CACNA2D3: variants seen among roughly 807,000 people sequenced by gnomAD.
The protein encoded by CACNA2D3 is calcium voltage-gated channel auxiliary subunit alpha2delta 3, also known as voltage-dependent calcium channel subunit alpha-2/delta-3.
In CACNA2D3, 60 loss-of-function variants were observed where a neutral mutation model predicts 160.6. The observed-to-expected ratio is 0.37, with a 90% CI of 0.30 to 0.46. CACNA2D3 has a LOEUF of 0.46. Ranked by LOEUF, CACNA2D3 falls within the 20% of genes least tolerant of loss-of-function variation. The probability of loss-of-function intolerance (pLI) is 1.00; values close to 1 mark genes in which losing one functional copy is unlikely to be tolerated. For synonymous variants in CACNA2D3, 558 were observed against 492.9 expected (o/e 1.13, Z -1.75); for missense variants, 1,205 against 1,365.0 (o/e 0.88, Z 1.85).
intron 3 of CACNA2D3, among the ~76,000 whole-genome samples, chr3:54,367,955 G>A (rs1678829993): frequency 6.6e-6 from 1 of 152,132 alleles, no homozygotes; most frequent in Admixed American, 6.5e-5. Flanking sequence ...TATAATATTA[G>A]TTATCAGCAA....
intron 3 of CACNA2D3, among the ~76,000 whole-genome samples, chr3:54,343,847 A>C (rs1698408344): frequency 6.6e-6 from 1 of 152,192 alleles, no homozygotes; most frequent in African/African-American, 2.4e-5. Context: ...GTAAATATTG[A>C]AATATCTCTT....
chr3:54,460,347 TC>T (rs1404977798), intron 4 of CACNA2D3, among the ~76,000 whole-genome samples: 20 of 152,230 alleles, frequency 1.3e-4, no homozygotes, highest in African/African-American at 4.8e-4. Context: ...TGGCATTGAA[TC>T]TATAAGTTAC....
At chr3:54,638,540 G>T (rs565762884) in intron 10 of CACNA2D3, 3 of 151,978 alleles carry the variant, frequency 2.0e-5, no homozygotes, top group African/African-American at 7.3e-5. Context: ...GAGCAGCCTG[G>T]GGAGGAAGGG....
chr3:54,207,672 G>C (rs1701297922), intron 2 of CACNA2D3, among the ~76,000 whole-genome samples: 1 of 152,110 alleles, frequency 6.6e-6, no homozygotes, highest in African/African-American at 2.4e-5. Flanking sequence ...TCACGGACTG[G>C]GCTCTGTGCA....
intron 2 of CACNA2D3, among the ~76,000 whole-genome samples, chr3:54,287,156 C>G (rs1703052757): frequency 6.6e-6 from 1 of 152,050 alleles, no homozygotes; most frequent in South Asian, 2.1e-4. Flanking sequence ...AGTCAAGACC[C>G]ATCAGTGTGC....
At chr3:54,203,489 C>T (rs115192042) in intron 2 of CACNA2D3, among the ~76,000 whole-genome samples, 14 of 152,312 alleles carry the variant, frequency 9.2e-5, no homozygotes, top group Non-Finnish European at 1.8e-4. Flanking sequence ...GTTGCAAGGA[C>T]AAAGGGCTTT....
At chr3:54,160,234 C>T (rs1700319009) in intron 2 of CACNA2D3, among the ~76,000 whole-genome samples, 1 of 152,232 alleles carries the variant, frequency 6.6e-6, no homozygotes, top group South Asian at 2.1e-4. Flanking sequence ...TGCAGTGGCT[C>T]ATGCCTGTAA....
At chr3:54,863,158 C>G (rs1432295096) in intron 17 of CACNA2D3, among the ~76,000 whole-genome samples, 3 of 152,190 alleles carry the variant, frequency 2.0e-5, no homozygotes, top group Non-Finnish European at 2.9e-5. Context: ...TATCCACGTT[C>G]GAGAACTCAG....
intron 11 of CACNA2D3, among the ~76,000 whole-genome samples, chr3:54,676,838 A>G (rs1363931985): frequency 6.6e-6 from 1 of 152,174 alleles, no homozygotes; most frequent in Non-Finnish European, 1.5e-5. Flanking sequence ...CAGGGCTAAG[A>G]ATTTTGAGGC....
chr3:54,664,483 T>G (rs1456764168), intron 11 of CACNA2D3, among the ~76,000 whole-genome samples: 3 of 152,160 alleles, frequency 2.0e-5, no homozygotes, highest in African/African-American at 4.8e-5. Context: ...CACCGCCACC[T>G]CCCCCTTTCA....
At chr3:54,330,038 A>G (rs1266777211) in intron 3 of CACNA2D3, among the ~76,000 whole-genome samples, 1 of 152,214 alleles carries the variant, frequency 6.6e-6, no homozygotes, top group African/African-American at 2.4e-5. Flanking sequence ...CACTGCATTC[A>G]GTGGAGAGAT....
intron 4 of CACNA2D3, among the ~76,000 whole-genome samples, chr3:54,394,280 T>C (rs1045656333): frequency 2.0e-5 from 3 of 151,546 alleles, no homozygotes; most frequent in South Asian, 2.1e-4. Context: ...TCCTGGTGTG[T>C]AGGCAATCTG....
intron 2 of CACNA2D3, among the ~76,000 whole-genome samples, chr3:54,221,459 T>G (rs1701568472): frequency 6.6e-6 from 1 of 152,260 alleles, no homozygotes; most frequent in African/African-American, 2.4e-5. Flanking sequence ...AACTGGTAGC[T>G]TGCCTTTAAC....
chr3:54,505,419 T>C (rs1701353590), intron 5 of CACNA2D3, among the ~76,000 whole-genome samples: 1 of 152,124 alleles, frequency 6.6e-6, no homozygotes, highest in Non-Finnish European at 1.5e-5. Flanking sequence ...GTGATGTGAA[T>C]CTAAACAAAT....
intron 26 of CACNA2D3, among the ~76,000 whole-genome samples, chr3:54,899,527 G>A (rs771967426): frequency 1.3e-5 from 2 of 152,104 alleles, no homozygotes; most frequent in East Asian, 3.9e-4. Flanking sequence ...CAATGGTTTC[G>A]ATGTGAAGAG....
intron 5 of CACNA2D3, among the ~76,000 whole-genome samples, chr3:54,540,538 A>G (rs1019344254): frequency 6.6e-6 from 1 of 152,200 alleles, no homozygotes; most frequent in African/African-American, 2.4e-5. Context: ...CTCACAACCC[A>G]GTCATTGTTC....
chr3:54,565,310 T>C (rs530978632), intron 6 of CACNA2D3, among the ~76,000 whole-genome samples: 14 of 152,142 alleles, frequency 9.2e-5, no homozygotes, highest in Admixed American at 8.5e-4. Flanking sequence ...CTGAGGGAAA[T>C]AGAAGGTGCT....
intron 4 of CACNA2D3, among the ~76,000 whole-genome samples, chr3:54,471,884 A>C (rs1453953855): frequency 1.3e-5 from 2 of 152,118 alleles, no homozygotes; most frequent in African/African-American, 4.8e-5. Flanking sequence ...AGTAGTAACA[A>C]GTTCTGAAAT....
At chr3:54,273,540 G>A (rs977305462) in intron 2 of CACNA2D3, among the ~76,000 whole-genome samples, 5 of 152,046 alleles carry the variant, frequency 3.3e-5, no homozygotes, top group African/African-American at 7.2e-5. Context: ...GCTTTCACAG[G>A]GCAGCGTTTC....
Sources: gnomAD v4.1 joint callset for allele counts (sites outside exome capture counted in the v4.1 genomes callset) on GRCh38, gnomAD v4.1.1 for gene constraint, MANE v1.5 for transcripts, NCBI Gene and HGNC (gene_info 2026-07-23, HGNC 2026-07-21) for gene names.